The following PPA2 variants were observed in gnomAD, a reference collection of about 807,000 sequenced individuals.
PPA2 encodes the protein inorganic pyrophosphatase 2, also known as inorganic pyrophosphatase 2, mitochondrial.
A neutral mutation model predicts 49.5 loss-of-function variants in PPA2; 48 were observed. The observed-to-expected ratio is 0.97, with a 90% CI of 0.77 to 1.23. The LOEUF (loss-of-function observed/expected upper bound fraction) is 1.23. PPA2 is among the 50% of genes most tolerant of loss of function. The pLI is 0.00. For missense variants in PPA2, 429 were observed against 410.1 expected (o/e 1.05, Z -0.40); for synonymous variants, 131 against 139.9 (o/e 0.94, Z 0.45).
intron 10 of PPA2, among the ~76,000 whole-genome samples, chr4:105,382,002 A>C (rs1052136785): frequency 1.3e-5 from 2 of 151,762 alleles, no homozygotes; most frequent in Non-Finnish European, 2.9e-5. Context: ...AACTTCTATA[A>C]TTTTCTTTAA....
intron 7 of PPA2, among the ~76,000 whole-genome samples, chr4:105,409,789 T>A (rs1003278800): frequency 2.6e-5 from 4 of 152,172 alleles, no homozygotes; most frequent in African/African-American, 9.7e-5. Context: ...GGAGTGGGCC[T>A]CCAGCAAATT....
intron 3 of PPA2, among the ~76,000 whole-genome samples, chr4:105,450,598 A>ATTTTTTTTTTT (rs1560637285): frequency 4.7e-5 from 3 of 63,322 alleles, no homozygotes; most frequent in African/African-American, 1.1e-4. Context: ...CTGGTCTGGA[A>ATTTTTTTTTTT]TTCTTTTTTT....
At chr4:105,473,548 C>G in intron 1 of PPA2, 1 of 520,620 alleles carries the variant, frequency 1.9e-6, no homozygotes, top group East Asian at 4.6e-5. Flanking sequence ...GAACGGCGGC[C>G]GGGCCGGCTA....
At chr4:105,400,972 T>C (rs1578819890) in intron 7 of PPA2, among the ~76,000 whole-genome samples, 1 of 152,102 alleles carries the variant, frequency 6.6e-6, no homozygotes, top group East Asian at 1.9e-4. Context: ...AACAGCTGCA[T>C]TGTCCCAAAT....
intron 7 of PPA2, chr4:105,405,749 C>A (rs963927079): frequency 1.7e-5 from 11 of 658,866 alleles, no homozygotes; most frequent in Non-Finnish European, 2.6e-5. Context: ...AGATTAACAT[C>A]AAAAAGACTC....
At chr4:105,407,623 T>C (rs952148060) in intron 7 of PPA2, among the ~76,000 whole-genome samples, 2 of 152,178 alleles carry the variant, frequency 1.3e-5, no homozygotes, top group Non-Finnish European at 2.9e-5. Flanking sequence ...AACTGTGGTA[T>C]ATCTAAAAAA....
At chr4:105,386,042 G>A (rs1311826405) in intron 10 of PPA2, among the ~76,000 whole-genome samples, 1 of 151,928 alleles carries the variant, frequency 6.6e-6, no homozygotes, top group Non-Finnish European at 1.5e-5. Context: ...ACCAGGCTCA[G>A]CTAATTTTTT....
At chr4:105,396,191 G>A (rs1734134302) in intron 9 of PPA2, 58 bp downstream of exon 9, 4 of 1,058,066 alleles carry the variant, frequency 3.8e-6, no homozygotes, top group African/African-American at 3.2e-5. Context: ...TGATTATTAT[G>A]TGGCTGTTTA....
chr4:105,408,810 G>GATAAA (rs1722605021), intron 7 of PPA2, among the ~76,000 whole-genome samples: 5 of 152,186 alleles, frequency 3.3e-5, no homozygotes, highest in Non-Finnish European at 7.4e-5. Context: ...AGATAAACAA[G>GATAAA]AATACCTGAA....
intron 7 of PPA2, among the ~76,000 whole-genome samples, chr4:105,412,599 C>A (rs935158136): frequency 1.3e-5 from 2 of 151,908 alleles, no homozygotes; most frequent in African/African-American, 4.8e-5. Context: ...TGACAAAGGG[C>A]TAATATCCAG....
At chr4:105,391,905 G>A (rs1733938136) in intron 9 of PPA2, among the ~76,000 whole-genome samples, 1 of 143,564 alleles carries the variant, frequency 7.0e-6, no homozygotes, top group Admixed American at 6.7e-5. Flanking sequence ...AAGAAATAAA[G>A]CATTACTTTA....
At position 105,446,505 on chromosome 4, in the gene PPA2, A is replaced by G. The variant is rs151306309; in HGVS notation, c.322-3T>C. On this transcript the variant is annotated splice_region_variant and splice_polypyrimidine_tract_variant and intron_variant, in intron 4 of 11. Transcript: ENST00000341695. Reference sequence around the variant, plus strand: ...TTCATTGGCTCCTTGGTGGCAATCTAAGCAAATCACAGAAGGAAGAAAAGG... The same window carrying G: ...TTCATTGGCTCCTTGGTGGCAATCTGAGCAAATCACAGAAGGAAGAAAAGG... 571 of 1,600,044 alleles carry G rather than the reference A, an allele frequency of 3.6e-4. 4 individuals carry two copies. In the African/African-American group the frequency reaches 6.5e-3, roughly 18 times the overall value.
intron 1 of PPA2, 83 bp downstream of exon 1, chr4:105,473,811 G>C (rs1410398758): frequency 6.5e-7 from 1 of 1,529,444 alleles, no homozygotes; most frequent in Non-Finnish European, 8.9e-7. Context: ...GAGACCGCGC[G>C]GGGCGTCCCA....
chr4:105,437,135 G>A (rs765634914), intron 6 of PPA2, among the ~76,000 whole-genome samples: 5 of 152,066 alleles, frequency 3.3e-5, no homozygotes, highest in Middle Eastern at 3.4e-3. Context: ...CAAAGGCCAC[G>A]AACCAACATT....
intron 9 of PPA2, among the ~76,000 whole-genome samples, chr4:105,391,938 C>A (rs762362748): frequency 5.9e-5 from 9 of 152,022 alleles, no homozygotes; most frequent in African/African-American, 9.7e-5. Context: ...TGCTAAGTAA[C>A]TGAATTAGTG....
intron 7 of PPA2, among the ~76,000 whole-genome samples, chr4:105,401,410 A>C (rs755690764): frequency 2.6e-5 from 4 of 152,106 alleles, no homozygotes; most frequent in Admixed American, 6.6e-5. Context: ...ATGTAAGTAA[A>C]GATGTATTTT....
chr4:105,375,570 T>C (rs1480500489), intron 10 of PPA2, among the ~76,000 whole-genome samples: 1 of 152,076 alleles, frequency 6.6e-6, no homozygotes, highest in East Asian at 1.9e-4. Context: ...TTGATTAAAG[T>C]GCGTGCCCAT....
At chr4:105,395,436 C>G (rs931498263) in intron 9 of PPA2, among the ~76,000 whole-genome samples, 1 of 151,998 alleles carries the variant, frequency 6.6e-6, no homozygotes, top group Admixed American at 6.6e-5. Flanking sequence ...TGTTTTAGTT[C>G]TTAAATGTGT....
At chr4:105,417,039 C>T (rs922753586) in intron 7 of PPA2, among the ~76,000 whole-genome samples, 2 of 152,174 alleles carry the variant, frequency 1.3e-5, no homozygotes, top group Non-Finnish European at 2.9e-5. Context: ...CAAGTAATTT[C>T]ACATGACCAG....
Sources: allele counts gnomAD v4.1 joint callset (sites outside exome capture counted in the v4.1 genomes callset), GRCh38; gene constraint gnomAD v4.1.1; transcripts MANE v1.5; gene names NCBI Gene and HGNC (gene_info 2026-07-23, HGNC 2026-07-21).